HK2: variants seen among roughly 807,000 people sequenced by gnomAD.
HK2 encodes the protein hexokinase-2.
HK2 carries 42 observed loss-of-function variants against 92.9 expected under a neutral mutation model. That is an observed-to-expected ratio of 0.45 (90% CI 0.35 to 0.58). The LOEUF is 0.58. Ranked by LOEUF, HK2 falls within the 20% of genes least tolerant of loss-of-function variation. The pLI is 0.00. For synonymous variants in HK2, 422 were observed against 468.0 expected, an observed-to-expected ratio of 0.90 and a Z score of 1.27; for missense variants, 978 against 1,245.1, an observed-to-expected ratio of 0.79 and a Z score of 3.23.
At chr2:74,864,562 A>G (rs1688904000) in intron 2 of HK2, among the ~76,000 whole-genome samples, 1 of 152,030 alleles carries the variant, frequency 6.6e-6, no homozygotes, top group Non-Finnish European at 1.5e-5. Context: ...GCTGGGGTAC[A>G]GTGGCGAGAT....
In HK2 at chr2:74,880,509, C is replaced by A. The variant is rs1157387485; in HGVS notation, c.1510C>A (p.His504Asn). ...EMERGLSKET[H>N]ASAPVKMLPT... ...GGAGCGAGGTCTGAGCAAGGAGACT[C>A]ATGCCAGTGCCCCCGTCAAGATGCT... The change falls in exon 10 of 18, where the codon CAT (histidine) becomes AAT (asparagine). Residue 504 changes from histidine (H) to asparagine (N), a missense_variant. This residue lies in a region of HK2 where 742 missense variants were observed against 922.5 expected (regional missense o/e 0.80). Transcript: ENST00000290573. 6.2e-7 allele frequency: 1 copy of A among 1,614,114 alleles called. No individual in the cohort carries two copies. Among genetic ancestry groups the A allele is most frequent in the African/African-American group, 1.3e-5 (1 of 74,942 alleles).
At position 74,885,592 on chromosome 2, in the gene HK2, A is replaced by G. The variant is rs759282708; in HGVS notation, c.1935+3A>G. On this transcript the variant is annotated splice_donor_region_variant and intron_variant, in intron 13 of 17. Coordinates refer to ENST00000290573, the MANE Select transcript of HK2 (RefSeq NM_000189.5). ...AGGAAGCGATCCACCGGCGAGAGGT[A>G]GGAGACACATGGCACGAGGTCTGAT... 1.2e-6 allele frequency: 2 copies of G among 1,602,378 alleles called. No individual in the cohort carries two copies.
chr2:74,873,744 AGAAGG>A, intron 5 of HK2, 95 bp from the exon 6 acceptor site: 2 of 748,444 alleles, frequency 2.7e-6, no homozygotes, highest in East Asian at 2.7e-5. Context: ...GGAGAGAGAG[AGAAGG>A]AGGAGGAGGA....
At chr2:74,840,469 C>G (rs1234897860) in intron 1 of HK2, among the ~76,000 whole-genome samples, 1 of 152,044 alleles carries the variant, frequency 6.6e-6, no homozygotes, top group African/African-American at 2.4e-5. Context: ...GTTTAAAAGA[C>G]CACATCTTGA....
At chr2:74,881,981 C>G (rs1237057048) in intron 11 of HK2, 122 bp downstream of exon 11, 4 of 1,417,940 alleles carry the variant, frequency 2.8e-6, no homozygotes, top group Non-Finnish European at 4.0e-6. Flanking sequence ...AGGGCTGCAG[C>G]CTGGTCTTGA....
At chr2:74,874,140 C>T (rs1689166775) in intron 6 of HK2, 126 bp from the exon 7 acceptor site, 3 of 1,228,104 alleles carry the variant, frequency 2.4e-6, no homozygotes, top group Non-Finnish European at 3.6e-6. Flanking sequence ...TTGTGATGCC[C>T]CCAGAGTCTG....
At chr2:74,869,727 T>C (rs1689050012) in intron 3 of HK2, among the ~76,000 whole-genome samples, 1 of 152,170 alleles carries the variant, frequency 6.6e-6, no homozygotes, top group Admixed American at 6.5e-5. Context: ...CAGGAACGTG[T>C]TAGCTCTTTC....
At chr2:74,868,807 AGACTTGTAACGTGATGGT>A (rs1689024933) in intron 3 of HK2, among the ~76,000 whole-genome samples, 2 of 152,326 alleles carry the variant, frequency 1.3e-5, no homozygotes, top group South Asian at 4.1e-4. Flanking sequence ...ATTATGTAAA[AGACTTGTAACGTGATGGT>A]GACTTGTTAG....
At chr2:74,869,246 A>G (rs1573376750) in intron 3 of HK2, among the ~76,000 whole-genome samples, 1 of 152,206 alleles carries the variant, frequency 6.6e-6, no homozygotes, top group South Asian at 2.1e-4. Flanking sequence ...AAGAAAATAT[A>G]GGTATCTTTG....
intron 16 of HK2, among the ~76,000 whole-genome samples, chr2:74,888,985 TGTAGTA>T (rs993789465): frequency 2.6e-5 from 4 of 152,206 alleles, no homozygotes; most frequent in African/African-American, 9.7e-5. Flanking sequence ...GTATCTACTT[TGTAGTA>T]GTAATGGTCT....
intron 1 of HK2, among the ~76,000 whole-genome samples, chr2:74,845,893 T>G (rs1688423323): frequency 2.0e-5 from 3 of 152,250 alleles, no homozygotes; most frequent in Admixed American, 2.0e-4. Flanking sequence ...CTTGCTGCTC[T>G]TTGTACAGCC....
intron 1 of HK2, among the ~76,000 whole-genome samples, chr2:74,846,875 A>C (rs1688454518): frequency 6.6e-6 from 1 of 152,202 alleles, no homozygotes. Flanking sequence ...AAGGCCCCTG[A>C]CTTCCAGAAG....
chr2:74,882,366 G>C (rs1329894819), intron 12 of HK2, 127 bp downstream of exon 12: 5 of 1,393,658 alleles, frequency 3.6e-6, no homozygotes, highest in Non-Finnish European at 5.1e-6. Flanking sequence ...TACCAGTAGT[G>C]GGGAGGGGCT....
At chr2:74,857,590 G>C (rs1475098742) in intron 2 of HK2, among the ~76,000 whole-genome samples, 2 of 152,146 alleles carry the variant, frequency 1.3e-5, no homozygotes, top group Non-Finnish European at 2.9e-5. Context: ...AGGTTGCAGT[G>C]AGCCGAAGTT....
Position 74,840,458 on chromosome 2 carries a change from G to A in HK2, c.63+5815G>A, listed in dbSNP as rs540671563. ...TGGCTTCCTTTGTTCAGATACTTCC[G>A]GTTTAAAAGACCACATCTTGATAAG... On this transcript the variant is annotated intron_variant, in intron 1 of 17. Coordinates refer to ENST00000290573, the MANE Select transcript of HK2 (RefSeq NM_000189.5). Among the ~76,000 whole-genome samples, 58 of 152,034 alleles carry A rather than the reference G, an allele frequency of 3.8e-4. No homozygotes were observed. The South Asian group carries it at 0.012, about 31-fold the overall frequency.
intron 1 of HK2, among the ~76,000 whole-genome samples, chr2:74,848,415 A>T (rs1688493555): frequency 6.6e-6 from 1 of 152,264 alleles, no homozygotes; most frequent in Non-Finnish European, 1.5e-5. Context: ...ATTTAGTGGC[A>T]TTAAGTGTGT....
chr2:74,859,053 T>G (rs1048226613), intron 2 of HK2, among the ~76,000 whole-genome samples: 4 of 152,246 alleles, frequency 2.6e-5, no homozygotes, highest in African/African-American at 9.6e-5. Context: ...CAGAATACAT[T>G]AAAAATGGTC....
intron 1 of HK2, among the ~76,000 whole-genome samples, chr2:74,848,936 C>T (rs920316921): frequency 5.9e-5 from 9 of 152,200 alleles, no homozygotes; most frequent in South Asian, 4.1e-4. Flanking sequence ...GGCTGCTCCC[C>T]GATGGGCCTG....
At chr2:74,849,531 T>C (rs1688517867) in intron 1 of HK2, among the ~76,000 whole-genome samples, 1 of 152,028 alleles carries the variant, frequency 6.6e-6, no homozygotes, top group South Asian at 2.1e-4. Context: ...TTTCCTCCTC[T>C]CCCAGATAGA....
Sources: gnomAD v4.1 joint callset for allele counts (sites outside exome capture counted in the v4.1 genomes callset) on GRCh38, gnomAD v4.1.1 for gene constraint, gnomAD v4.1.1 regional missense constraint, MANE v1.5 for transcripts, NCBI Gene and HGNC (gene_info 2026-07-23, HGNC 2026-07-21) for gene names.